IGSF9B: variants seen among roughly 807,000 people sequenced by gnomAD.
IGSF9B encodes the protein immunoglobulin superfamily member 9B.
Under a neutral mutation model 143.7 loss-of-function variants are expected in IGSF9B, and 48 were observed. The ratio of observed to expected loss-of-function variants is 0.33; its 90% CI spans 0.26 to 0.42. The LOEUF (loss-of-function observed/expected upper bound fraction) is 0.42, where lower values mean the gene tolerates loss of function less well. Among genes scored for constraint, IGSF9B ranks in the 20% least tolerant of loss-of-function variants. The pLI is 1.00. For missense variants in IGSF9B, 1,706 were observed against 1,980.0 expected (o/e 0.86, Z 2.63); for synonymous variants, 903 against 833.1 (o/e 1.08, Z -1.44).
At position 133,948,081 on chromosome 11, in the gene IGSF9B, G is replaced by GTC. The variant is rs1940090673; in HGVS notation, c.65-1824_65-1823insGA. Among the ~76,000 whole-genome samples the GTC allele has an allele frequency of 9.3e-6, 1 of 108,058 alleles. No individual in the cohort carries two copies. Among genetic ancestry groups the GTC allele is most frequent in the South Asian group, 3.1e-4 (1 of 3,224 alleles). 70.9% of individuals were successfully genotyped at this position (108,058 alleles called of 152,430 possible). A position where few individuals can be genotyped will look rare whatever the true frequency, so the allele number is the denominator to read the frequency against. ...CGTGTGTGTGTGTGTGTGTGTGTGT[G>GTC]TGTGTGTGTCTGTGTGTGTTTCGGT... On this transcript the variant is annotated intron_variant, in intron 1 of 19. Coordinates refer to ENST00000533871, the MANE Select transcript of IGSF9B (RefSeq NM_001277285.4). This position sits in a 1 kb window ranked among gnomAD's most constrained non-coding sequence, Gnocchi z 4.7.
rs1003362087 is a variant in IGSF9B, at chr11:133,908,866, C to T, written c.*203G>A. ...CAATCCACTTCCTGACCTCGACCCA[C>T]AGGTGGAAGGTGTGCCCACCCTCCG... On this transcript the variant is annotated 3_prime_UTR_variant, in exon 20 of 20. Transcript: ENST00000533871. The T allele has an allele frequency of 2.6e-4, 150 of 566,592 alleles. 1 individual carries two copies. The East Asian group carries it at 4.1e-3, about 16-fold the overall frequency. The allele number at this position is 566,592 out of a possible 1,614,324, so 35.1% of individuals were successfully genotyped here.
In IGSF9B at chr11:133,945,952, G is replaced by T; in HGVS notation, c.262+109C>A. 1.3e-6 allele frequency: 1 copy of T among 743,192 alleles called. No individual in the cohort carries two copies. Among genetic ancestry groups the T allele is most frequent in the Non-Finnish European group, 2.2e-6 (1 of 455,046 alleles). 46.0% of individuals were successfully genotyped at this position (743,192 alleles called of 1,614,324 possible). Reference sequence around the variant, plus strand: ...GGATGGGAGGAACCAGGCAGAGACTGGGAAACAGAGATAAAGAGTGGTCAG... The same window carrying T: ...GGATGGGAGGAACCAGGCAGAGACTTGGAAACAGAGATAAAGAGTGGTCAG... On this transcript the variant is annotated intron_variant, in intron 2 of 19. Coordinates refer to ENST00000533871, the MANE Select transcript of IGSF9B (RefSeq NM_001277285.4). This position sits in a 1 kb window ranked among gnomAD's most constrained non-coding sequence, Gnocchi z 4.6.
At chr11:133,933,052 T>A (rs552069603) in intron 7 of IGSF9B, among the ~76,000 whole-genome samples, 1 of 151,842 alleles carries the variant, frequency 6.6e-6, no homozygotes, top group Non-Finnish European at 1.5e-5. Flanking sequence ...GGAAGCCAGG[T>A]GAGAATCCAG....
chr11:133,921,190 C>G lies in IGSF9B; in HGVS notation c.2535G>C (p.Thr845=). ...GGCCTCTGCTGATGAGCTCGATGGG[C>G]GTGGTGGCCTCTGCCTCGGCCTCTG... ...AKAEAEAEAT[T]PIELISRGPD... Residue 845 remains threonine (T), a synonymous_variant, in exon 18 of 20, where the codon ACG becomes ACC. Coordinates refer to ENST00000533871, the MANE Select transcript of IGSF9B (RefSeq NM_001277285.4). 1 of 1,608,740 alleles carries G rather than the reference C, an allele frequency of 6.2e-7. No homozygotes were observed. The highest frequency in any genetic ancestry group is 8.5e-7 in the Non-Finnish European group (1 of 1,176,848).
rs1010758142 is a variant in IGSF9B, at chr11:133,898,799, C to T, written c.*10270G>A. The T allele has an allele frequency of 1.3e-5, 2 of 152,286 alleles. No individual in the cohort carries two copies. Among genetic ancestry groups the T allele is most frequent in the Admixed American group, 1.3e-4 (2 of 15,294 alleles). 9.4% of individuals were successfully genotyped at this position (152,286 alleles called of 1,614,324 possible). On this transcript the variant is annotated 3_prime_UTR_variant, in exon 20 of 20. Transcript: ENST00000533871. ...CAGTCCCTGGACTCTGAGACTCCAC[C>T]CTCCAATGCCACAGGCAACCCCCTG...
In IGSF9B at chr11:133,901,533, C is replaced by G. The variant is rs1167859767; in HGVS notation, c.*7536G>C. ...TCCCCACACCCGAGTGCCACTCGCCCGAAGCTCCCAGTCTCCACGATTGCA... is the reference window on the plus strand; with the variant it reads ...TCCCCACACCCGAGTGCCACTCGCCGGAAGCTCCCAGTCTCCACGATTGCA... On this transcript the variant is annotated 3_prime_UTR_variant, in exon 20 of 20. Coordinates refer to ENST00000533871, the MANE Select transcript of IGSF9B (RefSeq NM_001277285.4). The G allele has an allele frequency of 6.6e-6, 1 of 152,272 alleles. No homozygotes were observed. The highest frequency in any genetic ancestry group is 1.9e-4 in the East Asian group (1 of 5,192). 9.4% of individuals were successfully genotyped at this position (152,272 alleles called of 1,614,324 possible). A position where few individuals can be genotyped will look rare whatever the true frequency, so the allele number is the denominator to read the frequency against.
chr11:133,949,344 G>T (rs1385636937), intron 1 of IGSF9B, among the ~76,000 whole-genome samples: 1 of 152,042 alleles, frequency 6.6e-6, no homozygotes, highest in East Asian at 1.9e-4. Flanking sequence ...ACACACACAC[G>T]CACGGCATAT....
intron 18 of IGSF9B, among the ~76,000 whole-genome samples, chr11:133,918,409 G>C (rs1481099806): frequency 6.6e-6 from 1 of 152,210 alleles, no homozygotes; most frequent in Admixed American, 6.5e-5. Flanking sequence ...GGACAGGCGA[G>C]GCCGGAGCGT....
At chr11:133,943,489 G>A (rs972391748) in intron 3 of IGSF9B, among the ~76,000 whole-genome samples, 18 of 152,082 alleles carry the variant, frequency 1.2e-4, no homozygotes, top group African/African-American at 4.1e-4. Context: ...CACCGCTGGG[G>A]ACTCAGGCCC....
intron 15 of IGSF9B, 79 bp downstream of exon 15, chr11:133,924,741 G>A: frequency 1.7e-6 from 2 of 1,156,034 alleles, no homozygotes; most frequent in South Asian, 1.3e-5. Context: ...TCGTGGAGTA[G>A]CCATTTCACA....
rs1939243526 is a variant in IGSF9B, at chr11:133,908,407, G to T, written c.*662C>A. Among the ~76,000 whole-genome samples the T allele has an allele frequency of 6.6e-6, 1 of 152,050 alleles. No homozygotes were observed. Among genetic ancestry groups the T allele is most frequent in the South Asian group, 2.1e-4 (1 of 4,792 alleles). ...TGGGAGAAGGTAGGAGACACACGGAGAATTCAGCTGAGAGACACGGATCTT... is the reference window on the plus strand; with the variant it reads ...TGGGAGAAGGTAGGAGACACACGGATAATTCAGCTGAGAGACACGGATCTT... On this transcript the variant is annotated 3_prime_UTR_variant, in exon 20 of 20. Coordinates refer to ENST00000533871, the MANE Select transcript of IGSF9B (RefSeq NM_001277285.4).
chr11:133,942,040 G>A (rs1939962862), intron 3 of IGSF9B, among the ~76,000 whole-genome samples: 2 of 152,174 alleles, frequency 1.3e-5, no homozygotes, highest in Non-Finnish European at 2.9e-5. Flanking sequence ...CAGAGTGGAT[G>A]TCCAAAACTA....
chr11:133,899,273 C>T lies in IGSF9B; in HGVS notation c.*9796G>A, dbSNP rs1209036613. On this transcript the variant is annotated 3_prime_UTR_variant, in exon 20 of 20. Coordinates refer to ENST00000533871, the MANE Select transcript of IGSF9B (RefSeq NM_001277285.4). ...CACACTCATCCACCTGTCGCCCCAA[C>T]TGATGCCACAAGCGGTTCCCAGGCC... 6.6e-6 allele frequency: 1 copy of T among 152,578 alleles called. No individual in the cohort carries two copies. Among genetic ancestry groups the T allele is most frequent in the Non-Finnish European group, 1.5e-5 (1 of 68,184 alleles). The allele number at this position is 152,578 out of a possible 1,614,324, so 9.5% of individuals were successfully genotyped here.
Position 133,922,177 on chromosome 11 carries a change from G to T in IGSF9B, c.2327C>A (p.Pro776His), listed in dbSNP as rs781680563. Residue 776 changes from proline (P) to histidine (H), a missense_variant and splice_region_variant, in exon 17 of 20, where the codon CCC (proline) becomes CAC (histidine). Physicochemically the swap from Pro to His is moderately conservative, Grantham distance 77. Around this residue, in one of 7 missense-constraint regions of IGSF9B, gnomAD observed 135 missense variants for 181.3 expected, o/e 0.74. Coordinates refer to ENST00000533871, the MANE Select transcript of IGSF9B (RefSeq NM_001277285.4). The stretch of plus-strand genomic sequence containing the variant: ...TTCTCCCAGGATCTGAGACACTTAC[G>T]GAGACTCCAGGCTCTTCCTGCAGTG... ...ITHCRKSLES[P>H]LSSGKVSPES... 6.2e-7 allele frequency: 1 copy of T among 1,612,906 alleles called. No homozygotes were observed.
Position 133,931,580 on chromosome 11 carries a change from A to G in IGSF9B, c.1252-11T>C, listed in dbSNP as rs760179341. The G allele has an allele frequency of 2.6e-5, 42 of 1,612,794 alleles. No homozygotes were observed. In the South Asian group the frequency reaches 4.6e-4, roughly 18 times the overall value. On this transcript the variant is annotated splice_polypyrimidine_tract_variant and intron_variant, in intron 9 of 19. Coordinates refer to ENST00000533871, the MANE Select transcript of IGSF9B (RefSeq NM_001277285.4). This position sits in a 1 kb window ranked among gnomAD's most constrained non-coding sequence, Gnocchi z 7.7. ...GAAATAGGGGGGGTCCTGGGGAGGA[A>G]AGCACAGGCACCCTCGTGAGGCCGG...
chr11:133,909,291 A>T lies in IGSF9B; in HGVS notation c.4106-14T>A, dbSNP rs1241427413. ...AGGCAGAATCGTCTAGGAAGAAAGG[A>T]AGAGGGACGCAAAAGAGAAGCAAGC... On this transcript the variant is annotated splice_polypyrimidine_tract_variant and intron_variant, in intron 19 of 19. Transcript: ENST00000533871. This position sits in a 1 kb window ranked among gnomAD's most constrained non-coding sequence, Gnocchi z 4.2. 1 of 1,530,672 alleles carries T rather than the reference A, an allele frequency of 6.5e-7. No homozygotes were observed. The allele number at this position is 1,530,672 out of a possible 1,614,324, so 94.8% of individuals were successfully genotyped here.
chr11:133,943,630 T>C (rs565287712), intron 3 of IGSF9B, among the ~76,000 whole-genome samples: 1 of 152,294 alleles, frequency 6.6e-6, no homozygotes, highest in East Asian at 1.9e-4. Flanking sequence ...CCATTAAAAC[T>C]GTGACGCTTC....
chr11:133,946,720 C>T (rs557171475), intron 1 of IGSF9B, among the ~76,000 whole-genome samples: 4 of 152,320 alleles, frequency 2.6e-5, no homozygotes, highest in South Asian at 2.1e-4. Flanking sequence ...TGCTCCAGGA[C>T]GCCTGCCACT....
chr11:133,915,528 G>A (rs960353753), intron 18 of IGSF9B, among the ~76,000 whole-genome samples: 42 of 151,562 alleles, frequency 2.8e-4, no homozygotes, highest in Non-Finnish European at 1.9e-4. Context: ...TCTGGGCCAC[G>A]GCACCCAGCC....
Sources: gnomAD v4.1 joint callset for allele counts (sites outside exome capture counted in the v4.1 genomes callset) on GRCh38, gnomAD v4.1.1 for gene constraint, gnomAD v4.1.1 regional missense constraint, Gnocchi (gnomAD v3.1) non-coding constraint, MANE v1.5 for transcripts, NCBI Gene and HGNC (gene_info 2026-07-23, HGNC 2026-07-21) for gene names.